Variants in NGLY1 observed in about 807,000 individuals in gnomAD.
NGLY1 encodes peptide-N(4)-(N-acetyl-beta-glucosaminyl)asparagine amidase.
NGLY1 carries 68 observed loss-of-function variants against 84.6 expected under a neutral mutation model. The observed-to-expected ratio is 0.80, with a 90% CI of 0.66 to 0.98. NGLY1 has a LOEUF of 0.98. Ranked by LOEUF, NGLY1 falls within the 50% of genes least tolerant of loss-of-function variation. NGLY1 has a pLI of 0.00. For missense variants in NGLY1, 779 were observed against 770.2 expected, an observed-to-expected ratio of 1.01 and a Z score of -0.14; for synonymous variants, 280 against 275.2, an observed-to-expected ratio of 1.02 and a Z score of -0.17.
At position 25,764,214 on chromosome 3, in the gene NGLY1, C is replaced by G. The variant is rs571852877; in HGVS notation, c.344G>C (p.Gly115Ala). Residue 115 changes from glycine (G) to alanine (A), a missense_variant, in exon 3 of 12, where the codon GGC (glycine) becomes GCC (alanine). Gly to Ala is a moderately conservative substitution (Grantham distance 60). Transcript: ENST00000280700. ...IAIERSSRLD[G>A]SNKSHKVKSS... ...CTTTACTTTGTGGCTCTTATTTGAG[C>G]CATCCAGTCTGCTACTTCTCTCTAT... The G allele has an allele frequency of 5.0e-6, 8 of 1,614,046 alleles. No homozygotes were observed. Among genetic ancestry groups the G allele is most frequent in the Admixed American group, 1.7e-5 (1 of 60,006 alleles).
Position 25,764,249 on chromosome 3 carries a change from G to A in NGLY1, c.309C>T (p.Asp103=). 2 of 1,614,058 alleles carry A rather than the reference G, an allele frequency of 1.2e-6. No individual in the cohort carries two copies. The highest frequency in any genetic ancestry group is 1.7e-6 in the Non-Finnish European group (2 of 1,180,018). ...TGCTACTTCTCTCTATGGCAATCAG[G>A]TCACGAATTTTTTGCAGCTGCTCCA... ...ASVEQLQKIR[D]LIAIERSSRL... Residue 103 remains aspartate (D), a synonymous_variant, in exon 3 of 12, where the codon GAC becomes GAT. Transcript: ENST00000280700.
chr3:25,776,302 C>CA (rs1307384542), intron 2 of NGLY1, among the ~76,000 whole-genome samples: 2 of 152,168 alleles, frequency 1.3e-5, no homozygotes, highest in South Asian at 2.1e-4. Context: ...ACTTGGCACT[C>CA]AAATATTTGC....
At chr3:25,776,191 C>G (rs1268064317) in intron 2 of NGLY1, among the ~76,000 whole-genome samples, 1 of 152,170 alleles carries the variant, frequency 6.6e-6, no homozygotes, top group Admixed American at 6.5e-5. Context: ...ACTGCAGTGA[C>G]CAACACTGGT....
chr3:25,725,555 G>A (rs1327783051), intron 10 of NGLY1, among the ~76,000 whole-genome samples: 2 of 152,180 alleles, frequency 1.3e-5, no homozygotes, highest in Admixed American at 6.5e-5. Context: ...GAAGTGGGGA[G>A]GGGAGAGTCT....
chr3:25,750,064 T>C lies in NGLY1; in HGVS notation c.658+1034A>G, dbSNP rs192069520. ...GGTAATTTATAAAGAAGAGGTTTAA[T>C]TGACTCACAGTTCCACATGGCTGGA... On this transcript the variant is annotated intron_variant, in intron 4 of 11. Coordinates refer to ENST00000280700, the MANE Select transcript of NGLY1 (RefSeq NM_018297.4). 4.4e-3 allele frequency among the ~76,000 whole-genome samples: 666 copies of C among 152,262 alleles called. 1 individual carries two copies. Among genetic ancestry groups the C allele is most frequent in the Admixed American group, 7.1e-3 (108 of 15,280 alleles).
chr3:25,760,458 T>C (rs1357314942), intron 3 of NGLY1, among the ~76,000 whole-genome samples: 1 of 152,230 alleles, frequency 6.6e-6, no homozygotes, highest in African/African-American at 2.4e-5. Context: ...GGACACAATG[T>C]AATCCCCTAT....
In NGLY1 at chr3:25,783,049, T is replaced by C. The variant is rs1030269435; in HGVS notation, c.131+211A>G. ...TGCCAAGTCACAACTGCAAAGAAAC[T>C]TCCTTTTCTCGAGCGGGGGTGGGAC... is the stretch of plus-strand genomic sequence containing the variant. On this transcript the variant is annotated intron_variant, in intron 1 of 11. Coordinates refer to ENST00000280700, the MANE Select transcript of NGLY1 (RefSeq NM_018297.4). This position sits in a 1 kb window ranked among gnomAD's most constrained non-coding sequence, Gnocchi z 4.5. 4 of 522,742 alleles carry C rather than the reference T, an allele frequency of 7.7e-6. No homozygotes were observed. The highest frequency in any genetic ancestry group is 1.4e-5 in the Non-Finnish European group (4 of 293,152). 32.4% of individuals were successfully genotyped at this position (522,742 alleles called of 1,614,324 possible).
chr3:25,740,122 A>G (rs1284651829), intron 4 of NGLY1, among the ~76,000 whole-genome samples: 1 of 152,186 alleles, frequency 6.6e-6, no homozygotes, highest in East Asian at 1.9e-4. Flanking sequence ...AGTACAAGGG[A>G]GGTAGAAAAA....
chr3:25,733,422 T>A (rs1705643973), intron 8 of NGLY1, among the ~76,000 whole-genome samples: 1 of 151,974 alleles, frequency 6.6e-6, no homozygotes, highest in Non-Finnish European at 1.5e-5. Context: ...GTAGTCATTG[T>A]TAATAACTTC....
chr3:25,783,215 G>GGC lies in NGLY1; in HGVS notation c.131+44_131+45insGC. 1 of 1,560,190 alleles carries GGC rather than the reference G, an allele frequency of 6.4e-7. No individual in the cohort carries two copies. The highest frequency in any genetic ancestry group is 8.8e-7 in the Non-Finnish European group (1 of 1,137,820). Reference sequence around the variant, plus strand: ...GTCCCTGGCCGAACAAGGTGCCGCGGCCCACCCACCCCGGTACCCGCCGTC... The same window carrying GGC: ...GTCCCTGGCCGAACAAGGTGCCGCGGGCCCCACCCACCCCGGTACCCGCCGTC... On this transcript the variant is annotated intron_variant, in intron 1 of 11. Transcript: ENST00000280700. This position sits in a 1 kb window ranked among gnomAD's most constrained non-coding sequence, Gnocchi z 4.5.
intron 7 of NGLY1, 94 bp downstream of exon 7, chr3:25,735,910 G>T (rs1705790141): frequency 9.3e-7 from 1 of 1,073,024 alleles, no homozygotes; most frequent in South Asian, 1.8e-5. Context: ...ATATATGCAG[G>T]TTATTGTATG....
intron 3 of NGLY1, among the ~76,000 whole-genome samples, chr3:25,763,401 A>G (rs1258885042): frequency 6.6e-6 from 1 of 152,216 alleles, no homozygotes; most frequent in Non-Finnish European, 1.5e-5. Flanking sequence ...ACCAAGAAAG[A>G]TGTTAAGTGA....
chr3:25,724,823 T>C (rs1705171808), intron 10 of NGLY1, among the ~76,000 whole-genome samples: 1 of 152,222 alleles, frequency 6.6e-6, no homozygotes, highest in Non-Finnish European at 1.5e-5. Context: ...AACTCAGATA[T>C]TACTTCTTCT....
chr3:25,767,152 C>G (rs969774715), intron 2 of NGLY1, among the ~76,000 whole-genome samples: 2 of 151,864 alleles, frequency 1.3e-5, no homozygotes, highest in African/African-American at 4.8e-5. Context: ...ATTGGCTGGG[C>G]GCAGTGGCAG....
intron 3 of NGLY1, among the ~76,000 whole-genome samples, chr3:25,757,449 G>A (rs150809254): frequency 6.4e-4 from 97 of 152,246 alleles, no homozygotes; most frequent in African/African-American, 2.2e-3. Context: ...ACTGGTATAC[G>A]TGAAAGTTCT....
rs578009511 is a variant in NGLY1 at position 25,724,669 on chromosome 3, A to G, written c.1611+4464T>C. ...CTCACTATTCTCCTCCATATTCTCT[A>G]CTTCTCACTTTTTCCTGAATATACC... On this transcript the variant is annotated intron_variant, in intron 10 of 11. Coordinates refer to ENST00000280700, the MANE Select transcript of NGLY1 (RefSeq NM_018297.4). Among the ~76,000 whole-genome samples the G allele has an allele frequency of 1.1e-4, 17 of 151,980 alleles. No individual in the cohort carries two copies. In the South Asian group the frequency reaches 2.7e-3, roughly 24 times the overall value.
At chr3:25,786,191 C>G (rs867123003), upstream of NGLY1, among the ~76,000 whole-genome samples, 2 of 151,910 alleles carry the variant, frequency 1.3e-5, no homozygotes, top group Admixed American at 1.3e-4. Flanking sequence ...CGTGTTAGTG[C>G]ACACCTGGAG....
intron 9 of NGLY1, 140 bp downstream of exon 9, chr3:25,732,177 CTT>C: frequency 1.5e-6 from 1 of 665,068 alleles, no homozygotes. Context: ...TACTGGTTCT[CTT>C]CAAATGTTTG....
intron 4 of NGLY1, among the ~76,000 whole-genome samples, chr3:25,743,666 T>C (rs1406319116): frequency 6.6e-6 from 1 of 152,174 alleles, no homozygotes; most frequent in African/African-American, 2.4e-5. Flanking sequence ...ATACACTAGA[T>C]GCTTAATAAA....
Sources: gnomAD v4.1 joint callset for allele counts (sites outside exome capture counted in the v4.1 genomes callset) on GRCh38, gnomAD v4.1.1 for gene constraint, Gnocchi (gnomAD v3.1) non-coding constraint, MANE v1.5 for transcripts, NCBI Gene and HGNC (gene_info 2026-07-23, HGNC 2026-07-21) for gene names.